PCDHA11: variants seen among roughly 807,000 people sequenced by gnomAD.
PCDHA11 encodes the protein protocadherin alpha 11.
PCDHA11 carries 61 observed loss-of-function variants against 70.3 expected under a neutral mutation model. The observed-to-expected ratio is 0.87, with a 90% CI of 0.71 to 1.07. The LOEUF (loss-of-function observed/expected upper bound fraction) is 1.07. PCDHA11 is among the 50% of genes least tolerant of loss of function. The probability of loss-of-function intolerance (pLI) is 0.00; values close to 1 mark genes in which losing one functional copy is unlikely to be tolerated. For missense variants in PCDHA11, 1,324 were observed against 1,237.5 expected (o/e 1.07, Z -1.05); for synonymous variants, 633 against 555.1 (o/e 1.14, Z -1.97).
chr5:140,932,421 G>T (rs530079640), intron 1 of PCDHA11, among the ~76,000 whole-genome samples: 1 of 151,878 alleles, frequency 6.6e-6, no homozygotes, highest in Non-Finnish European at 1.5e-5. Context: ...TTAGTGTATT[G>T]TTCACCTGGA....
At chr5:140,929,782 A>G (rs574140858) in intron 1 of PCDHA11, 12 of 168,464 alleles carry the variant, frequency 7.1e-5, no homozygotes, top group Non-Finnish European at 1.6e-4. Context: ...AGATGTAAAA[A>G]TAAATTACAA....
At position 140,988,717 on chromosome 5, in the gene PCDHA11, T is replaced by C. The variant is rs79402139; in HGVS notation, c.2539+6154T>C. Among the ~76,000 whole-genome samples, 1,208 of 152,334 alleles carry C rather than the reference T, an allele frequency of 7.9e-3. 20 individuals carry two copies. Among genetic ancestry groups the C allele is most frequent in the African/African-American group, 0.027 (1,139 of 41,566 alleles). On this transcript the variant is annotated intron_variant, in intron 3 of 3. Transcript: ENST00000398640. ...CTCTGTATTTTCTTGGACCTCTCATTTGCCCCATAGTAATTATTCTAGGAT... is the reference window on the plus strand; with the variant it reads ...CTCTGTATTTTCTTGGACCTCTCATCTGCCCCATAGTAATTATTCTAGGAT...
At chr5:140,911,607 T>C (rs1309017145) in intron 1 of PCDHA11, among the ~76,000 whole-genome samples, 1 of 152,222 alleles carries the variant, frequency 6.6e-6, no homozygotes, top group African/African-American at 2.4e-5. Context: ...CTTCATTATG[T>C]TCCTTAGTTC....
At chr5:140,909,505 G>A (rs2074548695) in intron 1 of PCDHA11, among the ~76,000 whole-genome samples, 1 of 152,168 alleles carries the variant, frequency 6.6e-6, no homozygotes. Flanking sequence ...GGATGTGGTG[G>A]GAATCACAAC....
chr5:141,000,015 G>A (rs960608216), intron 3 of PCDHA11, among the ~76,000 whole-genome samples: 8 of 151,984 alleles, frequency 5.3e-5, no homozygotes, highest in Non-Finnish European at 5.9e-5. Flanking sequence ...CCTCCCCATT[G>A]CTAAGCCTGA....
chr5:140,928,940 A>G (rs2085663832), intron 1 of PCDHA11: 1 of 1,613,944 alleles, frequency 6.2e-7, no homozygotes. Flanking sequence ...CAGAACTTGT[A>G]TTTAGTAATT....
In PCDHA11 at chr5:140,946,631, T is replaced by TATATATATATATATATATATAC. The variant is rs57893927; in HGVS notation, c.2392-32317_2392-32316insTATATATATATATATATATACA. 3.0e-3 allele frequency among the ~76,000 whole-genome samples: 389 copies of TATATATATATATATATATATAC among 131,774 alleles called. 27 individuals are homozygous for TATATATATATATATATATATAC. The highest frequency in any genetic ancestry group is 0.013 in the African/African-American group (369 of 28,648). 86.4% of individuals were successfully genotyped at this position (131,774 alleles called of 152,430 possible). A position where few individuals can be genotyped will look rare whatever the true frequency, so the allele number is the denominator to read the frequency against. ...TGTGAAATATATATATATATATATA[T>TATATATATATATATATATATAC]ACAATGGAATACTCATCAGCCATTA... On this transcript the variant is annotated intron_variant, in intron 1 of 3. Coordinates refer to ENST00000398640, the MANE Select transcript of PCDHA11 (RefSeq NM_018902.5).
chr5:140,890,724 CT>C (rs2062771629), intron 1 of PCDHA11, among the ~76,000 whole-genome samples: 2 of 152,108 alleles, frequency 1.3e-5, no homozygotes, highest in African/African-American at 2.4e-5. Context: ...TTTTTAATCC[CT>C]TTTGACTTAT....
intron 1 of PCDHA11, among the ~76,000 whole-genome samples, chr5:140,893,338 T>A (rs1409461265): frequency 1.3e-5 from 2 of 152,174 alleles, no homozygotes; most frequent in Non-Finnish European, 2.9e-5. Flanking sequence ...TTTTCCTTAG[T>A]GGCAGTGCTA....
intron 2 of PCDHA11, among the ~76,000 whole-genome samples, chr5:140,979,718 TGCCATGGG>T (rs1430155366): frequency 1.3e-5 from 2 of 152,270 alleles, no homozygotes; most frequent in Non-Finnish European, 2.9e-5. Context: ...CCAGTATCCA[TGCCATGGG>T]GCCAAATAAA....
Position 140,877,355 on chromosome 5 carries a change from C to T in PCDHA11, c.2391+5861C>T. On this transcript the variant is annotated intron_variant, in intron 1 of 3. Coordinates refer to ENST00000398640, the MANE Select transcript of PCDHA11 (RefSeq NM_018902.5). ...ATCCCGTTCCACGTGGGGCTGTACA[C>T]TGGCGAGATCAGCACGACACGCATC... 1.2e-6 allele frequency: 2 copies of T among 1,614,012 alleles called. No homozygotes were observed. Among genetic ancestry groups the T allele is most frequent in the Non-Finnish European group, 8.5e-7 (1 of 1,179,888 alleles).
chr5:140,962,637 T>A (rs556134281), intron 1 of PCDHA11, among the ~76,000 whole-genome samples: 3 of 152,338 alleles, frequency 2.0e-5, no homozygotes, highest in Admixed American at 6.5e-5. Flanking sequence ...AATTTAGCCA[T>A]CAAGTTATGT....
intron 3 of PCDHA11, among the ~76,000 whole-genome samples, chr5:140,998,569 G>GTT (rs71574497): frequency 0.068 from 10,108 of 149,316 alleles, 392 homozygotes; most frequent in Middle Eastern, 0.14. Flanking sequence ...TTGTAAATAA[G>GTT]TTTTTTTTTT....
At chr5:140,878,098 A>C in intron 1 of PCDHA11, 1 of 278,310 alleles carries the variant, frequency 3.6e-6, no homozygotes, top group Non-Finnish European at 6.4e-6. Flanking sequence ...TGACTGATGA[A>C]CCTTGAAAAA....
intron 1 of PCDHA11, chr5:140,884,831 A>G (rs918582598): frequency 4.3e-6 from 4 of 939,604 alleles, no homozygotes; most frequent in Non-Finnish European, 6.0e-6. Flanking sequence ...GTGTTGGATT[A>G]TCCTTCAGAG....
intron 1 of PCDHA11, chr5:140,928,975 T>C (rs2085693610): frequency 1.9e-6 from 3 of 1,613,806 alleles, no homozygotes; most frequent in African/African-American, 1.3e-5. Context: ...TTCCTTTTTA[T>C]TTCTGGGGTG....
In PCDHA11 at chr5:140,883,010, A is replaced by G. The variant is rs149814661; in HGVS notation, c.2391+11516A>G. 9.8e-4 allele frequency: 1,586 copies of G among 1,614,156 alleles called. 2 individuals carry two copies. The highest frequency in any genetic ancestry group is 1.3e-3 in the Non-Finnish European group (1,478 of 1,180,036). ...CCCGGAATTTTACCAATCCGTTTAT[A>G]AAGTGACGGTGTTAGAGAACGCCTT... On this transcript the variant is annotated intron_variant, in intron 1 of 3. Coordinates refer to ENST00000398640, the MANE Select transcript of PCDHA11 (RefSeq NM_018902.5).
intron 1 of PCDHA11, among the ~76,000 whole-genome samples, chr5:140,892,438 ATT>A (rs2063515415): frequency 6.6e-6 from 1 of 152,198 alleles, no homozygotes; most frequent in African/African-American, 2.4e-5. Context: ...ATTATCTAAA[ATT>A]TACATGTATT....
At chr5:141,006,689 G>C (rs1249412460) in intron 3 of PCDHA11, among the ~76,000 whole-genome samples, 3 of 152,072 alleles carry the variant, frequency 2.0e-5, no homozygotes, top group African/African-American at 7.2e-5. Flanking sequence ...TGGGAGAAGA[G>C]GACAGAGTCA....
Sources: gnomAD v4.1 joint callset for allele counts (sites outside exome capture counted in the v4.1 genomes callset) on GRCh38, gnomAD v4.1.1 for gene constraint, MANE v1.5 for transcripts, NCBI Gene and HGNC (gene_info 2026-07-23, HGNC 2026-07-21) for gene names.